The following PTPRD variants were observed in gnomAD, a reference collection of about 807,000 sequenced individuals.
PTPRD encodes receptor-type tyrosine-protein phosphatase delta.
In PTPRD, 34 loss-of-function variants were observed where a neutral mutation model predicts 214.5. The ratio of observed to expected loss-of-function variants is 0.16; its 90% CI spans 0.12 to 0.21. The LOEUF (loss-of-function observed/expected upper bound fraction) is 0.21, where lower values mean the gene tolerates loss of function less well. Among genes scored for constraint, PTPRD ranks in the 10% least tolerant of loss-of-function variants. The pLI, the probability that PTPRD is intolerant of heterozygous loss-of-function variation, is 1.00. For missense variants in PTPRD, 2,545 were observed against 2,398.7 expected, an observed-to-expected ratio of 1.06 and a Z score of -1.27; for synonymous variants, 1,128 against 845.7, an observed-to-expected ratio of 1.33 and a Z score of -5.79.
chr9:9,481,242 G>A (rs984362917), intron 8 of PTPRD, among the ~76,000 whole-genome samples: 2 of 152,108 alleles, frequency 1.3e-5, no homozygotes, highest in African/African-American at 4.8e-5. Context: ...ATCAGACTTG[G>A]TGAGGTAGAA....
chr9:10,455,989 T>C (rs2098913709), intron 2 of PTPRD, among the ~76,000 whole-genome samples: 1 of 151,848 alleles, frequency 6.6e-6, no homozygotes, highest in Non-Finnish European at 1.5e-5. Context: ...TCATATTATA[T>C]AGCTGTCTTT....
intron 2 of PTPRD, among the ~76,000 whole-genome samples, chr9:10,509,338 A>T (rs1459023556): frequency 6.6e-6 from 1 of 151,404 alleles, no homozygotes; most frequent in Non-Finnish European, 1.5e-5. Flanking sequence ...TAATACTCAT[A>T]TTTGATTCAT....
At chr9:10,108,602 T>C (rs1442624495) in intron 3 of PTPRD, among the ~76,000 whole-genome samples, 1 of 152,028 alleles carries the variant, frequency 6.6e-6, no homozygotes, top group Non-Finnish European at 1.5e-5. Flanking sequence ...GATCCTGCAA[T>C]CCTACTGCTG....
chr9:8,768,055 G>A (rs2094898512), intron 11 of PTPRD, among the ~76,000 whole-genome samples: 1 of 152,120 alleles, frequency 6.6e-6, no homozygotes, highest in Non-Finnish European at 1.5e-5. Flanking sequence ...GTAGGGTCTG[G>A]AAGAACAAAG....
rs532047634 is a variant in PTPRD, at chr9:8,876,376, A to T, written c.-104+142321T>A. On this transcript the variant is annotated intron_variant, in intron 11 of 45. Transcript: ENST00000381196. ...AAAAGCCTATAATATACTAAATGCC[A>T]GTTTACCTTTCCTTTTAAACACTGG... Among the ~76,000 whole-genome samples the T allele has an allele frequency of 2.0e-5, 3 of 152,308 alleles. No homozygotes were observed. The South Asian group carries it at 6.2e-4, about 32-fold the overall frequency.
rs1015861364 is a variant in PTPRD, at chr9:10,090,067, G to A, written c.-544-56277C>T. 3.6e-4 allele frequency among the ~76,000 whole-genome samples: 54 copies of A among 151,710 alleles called. 1 individual carries two copies. Among genetic ancestry groups the A allele is most frequent in the African/African-American group, 1.3e-3 (53 of 41,468 alleles). ...AAGAAATTGCTTGATTGCTTTATCT[G>A]GGAATTATGGACAGTTCAAAATATA... On this transcript the variant is annotated intron_variant, in intron 3 of 45. Transcript: ENST00000381196.
intron 9 of PTPRD, among the ~76,000 whole-genome samples, chr9:9,234,338 G>C (rs1385207571): frequency 1.3e-5 from 2 of 152,190 alleles, no homozygotes; most frequent in East Asian, 1.9e-4. Context: ...AGGATGCATA[G>C]AGTGGGCGGG....
At chr9:9,913,848 C>A (rs902281065) in intron 5 of PTPRD, among the ~76,000 whole-genome samples, 2 of 152,146 alleles carry the variant, frequency 1.3e-5, no homozygotes, top group African/African-American at 2.4e-5. Context: ...CCATTCCCTG[C>A]CATTAGCCAA....
intron 11 of PTPRD, among the ~76,000 whole-genome samples, chr9:8,822,741 G>T (rs1031267464): frequency 1.3e-5 from 2 of 152,098 alleles, no homozygotes; most frequent in Admixed American, 1.3e-4. Context: ...CAGAGATTAA[G>T]CAATTTGCCC....
chr9:9,447,650 A>T (rs912217661), intron 8 of PTPRD, among the ~76,000 whole-genome samples: 2 of 152,098 alleles, frequency 1.3e-5, no homozygotes, highest in Non-Finnish European at 2.9e-5. Flanking sequence ...AAACCTGCAC[A>T]TGTACCCCTG....
chr9:9,596,878 C>A (rs577321954), intron 7 of PTPRD, among the ~76,000 whole-genome samples: 9 of 152,030 alleles, frequency 5.9e-5, no homozygotes, highest in African/African-American at 2.2e-4. Context: ...ATATCATTCA[C>A]AGATCACACA....
intron 8 of PTPRD, among the ~76,000 whole-genome samples, chr9:9,542,759 G>A (rs577230410): frequency 4.6e-5 from 7 of 151,772 alleles, no homozygotes; most frequent in African/African-American, 1.7e-4. Flanking sequence ...ACCACAATGA[G>A]ATGACATTTC....
chr9:8,968,735 T>C (rs1481029417), intron 11 of PTPRD, among the ~76,000 whole-genome samples: 1 of 152,074 alleles, frequency 6.6e-6, no homozygotes, highest in Non-Finnish European at 1.5e-5. Context: ...ATCCCTTGTC[T>C]TAATTACTAT....
At chr9:9,982,027 T>G (rs578226279) in intron 4 of PTPRD, among the ~76,000 whole-genome samples, 1 of 152,198 alleles carries the variant, frequency 6.6e-6, no homozygotes, top group Non-Finnish European at 1.5e-5. Flanking sequence ...TAATTTACCA[T>G]AATTTGCTTT....
At chr9:10,131,045 C>CA (rs2098871774) in intron 3 of PTPRD, among the ~76,000 whole-genome samples, 1 of 152,122 alleles carries the variant, frequency 6.6e-6, no homozygotes, top group Non-Finnish European at 1.5e-5. Context: ...TAGTGTCAAG[C>CA]AGCACAAAAC....
At chr9:10,194,067 G>T (rs2099386071) in intron 3 of PTPRD, among the ~76,000 whole-genome samples, 1 of 151,896 alleles carries the variant, frequency 6.6e-6, no homozygotes, top group South Asian at 2.1e-4. Flanking sequence ...ACCCAAATAC[G>T]TACTCAGTAT....
At chr9:10,436,171 T>C (rs995694067) in intron 2 of PTPRD, among the ~76,000 whole-genome samples, 1 of 151,830 alleles carries the variant, frequency 6.6e-6, no homozygotes, top group African/African-American at 2.4e-5. Flanking sequence ...TCAAAAATAC[T>C]AATGTAACAT....
chr9:10,190,408 A>C (rs1205459803), intron 3 of PTPRD, among the ~76,000 whole-genome samples: 41 of 97,752 alleles, frequency 4.2e-4, no homozygotes, highest in Non-Finnish European at 6.7e-4. Context: ...AAAAAAAAAA[A>C]AAAAAAAAAA....
intron 5 of PTPRD, among the ~76,000 whole-genome samples, chr9:9,851,046 C>G (rs191242892): frequency 6.6e-6 from 1 of 152,138 alleles, no homozygotes; most frequent in African/African-American, 2.4e-5. Context: ...ACTTCAGATT[C>G]TTTATCTGCA....
Sources: gnomAD v4.1 joint callset for allele counts (sites outside exome capture counted in the v4.1 genomes callset) on GRCh38, gnomAD v4.1.1 for gene constraint, MANE v1.5 for transcripts, NCBI Gene and HGNC (gene_info 2026-07-23, HGNC 2026-07-21) for gene names.